The following RAP1GDS1 variants were observed in gnomAD, a reference collection of about 807,000 sequenced individuals.
RAP1GDS1 encodes the protein Rap1 GTPase-GDP dissociation stimulator 1, also known as RAP1, GTP-GDP dissociation stimulator 1.
A neutral mutation model predicts 71.1 loss-of-function variants in RAP1GDS1; 35 were observed. The observed-to-expected ratio is 0.49, with a 90% CI of 0.38 to 0.65. The LOEUF (loss-of-function observed/expected upper bound fraction) is 0.65. Among genes scored for constraint, RAP1GDS1 ranks in the 30% least tolerant of loss-of-function variants. The pLI is 0.00. For missense variants in RAP1GDS1, 663 were observed against 706.1 expected, an observed-to-expected ratio of 0.94 and a Z score of 0.69; for synonymous variants, 229 against 243.1, an observed-to-expected ratio of 0.94 and a Z score of 0.54.
chr4:98,262,147 G>T (rs1040967856), intron 1 of RAP1GDS1, among the ~76,000 whole-genome samples: 1 of 152,230 alleles, frequency 6.6e-6, no homozygotes, highest in African/African-American at 2.4e-5. Flanking sequence ...TTGAAAGGAT[G>T]ACTTGTCAGA....
chr4:98,330,845 C>T (rs1354833754), intron 2 of RAP1GDS1, among the ~76,000 whole-genome samples: 2 of 152,026 alleles, frequency 1.3e-5, no homozygotes, highest in Non-Finnish European at 2.9e-5. Flanking sequence ...CTCCTCACAT[C>T]CCAGACGATG....
In RAP1GDS1 at chr4:98,392,066, A is replaced by G. The variant is rs751984631; in HGVS notation, c.623A>G (p.Asn208Ser). The G allele has an allele frequency of 3.1e-6, 5 of 1,612,206 alleles. No homozygotes were observed. The highest frequency in any genetic ancestry group is 1.1e-5 in the South Asian group (1 of 90,650). The change falls in exon 6 of 15, where the codon AAT becomes AGT. Residue 208 changes from asparagine to serine, a missense_variant. Asn to Ser is a conservative substitution (Grantham distance 46). Coordinates refer to ENST00000408927, the MANE Select transcript of RAP1GDS1 (RefSeq NM_001100427.2). ...GAAATGTGTCTTGTTGCATTTGGTA[A>G]TTTAGCAGAACTTGGTAAGTCTTAG... ...LTEMCLVAFG[N>S]LAELESSKEQ... is the part of the protein sequence containing the mutation.
chr4:98,274,407 A>G (rs1006369026), intron 1 of RAP1GDS1, among the ~76,000 whole-genome samples: 2 of 152,304 alleles, frequency 1.3e-5, no homozygotes, highest in African/African-American at 2.4e-5. Context: ...TGGTGACATT[A>G]CTGGTTCAGT....
chr4:98,336,856 C>A (rs1268716309), intron 2 of RAP1GDS1, among the ~76,000 whole-genome samples: 1 of 151,820 alleles, frequency 6.6e-6, no homozygotes, highest in Non-Finnish European at 1.5e-5. Context: ...TATTTCTCTT[C>A]TGTGTTTTCA....
chr4:98,326,003 G>A (rs1733011591), intron 2 of RAP1GDS1, among the ~76,000 whole-genome samples: 1 of 151,568 alleles, frequency 6.6e-6, no homozygotes. Context: ...TTCTTTATTA[G>A]TACTCCTGAT....
intron 1 of RAP1GDS1, among the ~76,000 whole-genome samples, chr4:98,278,420 A>T (rs750489884): frequency 6.6e-6 from 1 of 152,216 alleles, no homozygotes; most frequent in East Asian, 1.9e-4. Flanking sequence ...AGTTGAATTT[A>T]TATTACTTTT....
intron 4 of RAP1GDS1, among the ~76,000 whole-genome samples, chr4:98,367,568 G>C (rs888115997): frequency 3.9e-5 from 6 of 152,200 alleles, no homozygotes; most frequent in African/African-American, 1.4e-4. Flanking sequence ...CTCAACACCA[G>C]CCCATGAAAG....
At chr4:98,332,623 C>A (rs899874500) in intron 2 of RAP1GDS1, among the ~76,000 whole-genome samples, 1 of 152,086 alleles carries the variant, frequency 6.6e-6, no homozygotes, top group African/African-American at 2.4e-5. Flanking sequence ...ATATGAGAAG[C>A]TTTAAGAGGA....
intron 2 of RAP1GDS1, among the ~76,000 whole-genome samples, chr4:98,300,293 G>T (rs953118618): frequency 6.6e-6 from 1 of 152,182 alleles, no homozygotes; most frequent in Non-Finnish European, 1.5e-5. Flanking sequence ...TCAGATGATC[G>T]CTAGCATCTT....
At chr4:98,380,013 CT>C (rs1741751558) in intron 5 of RAP1GDS1, among the ~76,000 whole-genome samples, 1 of 148,982 alleles carries the variant, frequency 6.7e-6, no homozygotes, top group Non-Finnish European at 1.5e-5. Context: ...ACACGTGGCC[CT>C]TTTGGCATAC....
chr4:98,350,899 T>C (rs1057357773), intron 3 of RAP1GDS1, among the ~76,000 whole-genome samples: 1 of 152,096 alleles, frequency 6.6e-6, no homozygotes, highest in African/African-American at 2.4e-5. Context: ...GCTCCAGCTA[T>C]GCAGGAGGCT....
In RAP1GDS1 at chr4:98,434,260, T is replaced by G. The variant is rs368042162; in HGVS notation, c.1567+198T>G. ...TTTGGCTGTGTTTTTGGTAACATTT[T>G]TAGGGCAATGCATTAAGGTAAGTTT... On this transcript the variant is annotated intron_variant, in intron 13 of 14. Transcript: ENST00000408927. 2.3e-3 allele frequency among the ~76,000 whole-genome samples: 349 copies of G among 152,320 alleles called. 2 individuals are homozygous for G. Among genetic ancestry groups the G allele is most frequent in the African/African-American group, 7.9e-3 (329 of 41,570 alleles).
chr4:98,342,587 ATTTCTC>A (rs898100187), intron 2 of RAP1GDS1, among the ~76,000 whole-genome samples: 15 of 152,096 alleles, frequency 9.9e-5, no homozygotes, highest in African/African-American at 3.4e-4. Flanking sequence ...GCAGTGTACT[ATTTCTC>A]TTCTTCATTA....
intron 14 of RAP1GDS1, among the ~76,000 whole-genome samples, chr4:98,438,567 C>CATAT (rs36034058): frequency 0.031 from 3,262 of 104,664 alleles, 199 homozygotes; most frequent in African/African-American, 0.13. Flanking sequence ...TTTATTCTTC[C>CATAT]ATATATATAT....
At position 98,434,081 on chromosome 4, in the gene RAP1GDS1, A is replaced by AACTT; in HGVS notation, c.1567+21_1567+24dup. On this transcript the variant is annotated intron_variant, in intron 13 of 14. Coordinates refer to ENST00000408927, the MANE Select transcript of RAP1GDS1 (RefSeq NM_001100427.2). ...GAATTGGGTAAGTACCCCAGTGACA[A>AACTT]ACTTATTTTCTTCTATTTTTATCTT... is the stretch of plus-strand genomic sequence containing the variant. 6.2e-7 allele frequency: 1 copy of AACTT among 1,610,120 alleles called. No homozygotes were observed. The highest frequency in any genetic ancestry group is 8.5e-7 in the Non-Finnish European group (1 of 1,177,030).
At chr4:98,375,781 C>T (rs1340584878) in intron 4 of RAP1GDS1, among the ~76,000 whole-genome samples, 1 of 152,070 alleles carries the variant, frequency 6.6e-6, no homozygotes, top group Non-Finnish European at 1.5e-5. Flanking sequence ...TTCTTGAGTA[C>T]CTACTATATA....
intron 10 of RAP1GDS1, 107 bp from the exon 11 acceptor site, chr4:98,419,904 TAAATGGAA>T (rs1263090395): frequency 8.9e-7 from 1 of 1,129,254 alleles, no homozygotes; most frequent in Non-Finnish European, 1.2e-6. Flanking sequence ...AGATTGTTTC[TAAATGGAA>T]AAATAAAACA....
intron 2 of RAP1GDS1, among the ~76,000 whole-genome samples, chr4:98,335,272 G>T (rs1734552894): frequency 1.3e-5 from 2 of 152,146 alleles, no homozygotes; most frequent in Admixed American, 6.5e-5. Context: ...TGTCCATCAG[G>T]CTACAAGGAT....
At chr4:98,388,950 A>G (rs1042156977) in intron 5 of RAP1GDS1, among the ~76,000 whole-genome samples, 1 of 140,520 alleles carries the variant, frequency 7.1e-6, no homozygotes, top group Non-Finnish European at 1.5e-5. Context: ...GTTAACAGAA[A>G]TAACATTTTT....
Sources: allele counts gnomAD v4.1 joint callset (sites outside exome capture counted in the v4.1 genomes callset), GRCh38; gene constraint gnomAD v4.1.1; transcripts MANE v1.5; gene names NCBI Gene and HGNC (gene_info 2026-07-23, HGNC 2026-07-21).